Variants in NADK2 observed in about 807,000 individuals in gnomAD.
NADK2 encodes NAD kinase 2, mitochondrial.
Under a neutral mutation model 62.1 loss-of-function variants are expected in NADK2, and 35 were observed. That is an observed-to-expected ratio of 0.56 (90% CI 0.43 to 0.75). The LOEUF (loss-of-function observed/expected upper bound fraction) is 0.75. Ranked by LOEUF, NADK2 falls within the 30% of genes least tolerant of loss-of-function variation. The pLI is 0.00. For synonymous variants in NADK2, 205 were observed against 207.9 expected, an observed-to-expected ratio of 0.99 and a Z score of 0.12; for missense variants, 439 against 561.3, an observed-to-expected ratio of 0.78 and a Z score of 2.20.
intron 1 of NADK2, among the ~76,000 whole-genome samples, chr5:36,233,831 G>C (rs1014747058): frequency 2.6e-5 from 4 of 152,062 alleles, no homozygotes; most frequent in African/African-American, 9.7e-5. Context: ...CGCAAGTCTT[G>C]CTGTTCTCTC....
Position 36,225,630 on chromosome 5 carries a change from A to T in NADK2, c.479-7T>A. 6.2e-7 allele frequency: 1 copy of T among 1,609,002 alleles called. No homozygotes were observed. Among genetic ancestry groups the T allele is most frequent in the Non-Finnish European group, 8.5e-7 (1 of 1,178,442 alleles). On this transcript the variant is annotated splice_region_variant and splice_polypyrimidine_tract_variant and intron_variant, in intron 3 of 11. Transcript: ENST00000381937. ...AGCAGCATTGTGCCATCACCTAAGG[A>T]ACATAAGACAAAATACAAGACATAA...
In NADK2 at chr5:36,194,945, T is replaced by C. The variant is rs186916997; in HGVS notation, c.*199A>G. ...TTTCACTGGTATCAATTCTAATTGG[T>C]TCAGTCCATCCATTTTCTTATACAG... On this transcript the variant is annotated 3_prime_UTR_variant, in exon 12 of 12. Coordinates refer to ENST00000381937, the MANE Select transcript of NADK2 (RefSeq NM_001085411.3). 2.4e-4 allele frequency: 119 copies of C among 503,092 alleles called. 1 individual carries two copies. The highest frequency in any genetic ancestry group is 2.2e-3 in the South Asian group (54 of 25,088). 31.2% of individuals were successfully genotyped at this position (503,092 alleles called of 1,614,324 possible).
chr5:36,204,879 C>CAT (rs1245448105), intron 8 of NADK2, among the ~76,000 whole-genome samples: 2 of 151,844 alleles, frequency 1.3e-5, no homozygotes, highest in Non-Finnish European at 2.9e-5. Context: ...CTGAAACTAG[C>CAT]TAATGGTATG....
In NADK2 at chr5:36,217,819, T is replaced by C. The variant is rs749687514; in HGVS notation, c.710A>G (p.Asp237Gly). ...CAAGCTTAGCTGCTGCTCGTGAAGG[T>C]CCACAGGTACAGGGTTTATGCCAGT... Reference protein sequence around the residue: ...EGTGINPVPVDLHEQQLSLNQ... With the variant: ...EGTGINPVPVGLHEQQLSLNQ... The change falls in exon 6 of 12, where the codon GAC becomes GGC. Residue 237 changes from aspartate to glycine, a missense_variant. Coordinates refer to ENST00000381937, the MANE Select transcript of NADK2 (RefSeq NM_001085411.3). 3 of 1,613,944 alleles carry C rather than the reference T, an allele frequency of 1.9e-6. No individual in the cohort carries two copies. Among genetic ancestry groups the C allele is most frequent in the Non-Finnish European group, 2.5e-6 (3 of 1,179,892 alleles).
Position 36,195,141 on chromosome 5 carries a change from C to G in NADK2, c.*3G>C. ...TAATCAAAATTTGTCATGAGGAAAT[C>G]CTTCACTGTTCAAGAAGCACAGTTC... On this transcript the variant is annotated 3_prime_UTR_variant, in exon 12 of 12. Transcript: ENST00000381937. The G allele has an allele frequency of 6.2e-7, 1 of 1,601,568 alleles. No individual in the cohort carries two copies. The highest frequency in any genetic ancestry group is 8.5e-7 in the Non-Finnish European group (1 of 1,175,780).
chr5:36,230,625 G>A (rs1747672526), intron 1 of NADK2, among the ~76,000 whole-genome samples: 1 of 152,200 alleles, frequency 6.6e-6, no homozygotes, highest in Non-Finnish European at 1.5e-5. Context: ...CAAGAATAGT[G>A]CAGAAGCAGA....
At position 36,214,188 on chromosome 5, in the gene NADK2, C is replaced by CT. The variant is rs375269062; in HGVS notation, c.782-2267dup. On this transcript the variant is annotated intron_variant, in intron 6 of 11. Transcript: ENST00000381937. ...AAAAGATAAGACTCCATACCAATTA[C>CT]TTTTTTTTTTGAGATGGAGTTTAGC... Among the ~76,000 whole-genome samples, 319 of 149,784 alleles carry CT rather than the reference C, an allele frequency of 2.1e-3. 2 individuals carry two copies. The highest frequency in any genetic ancestry group is 7.0e-3 in the East Asian group (36 of 5,114).
intron 1 of NADK2, among the ~76,000 whole-genome samples, chr5:36,234,329 C>T (rs529258476): frequency 3.5e-4 from 50 of 141,744 alleles, no homozygotes; most frequent in Non-Finnish European, 5.3e-4. Flanking sequence ...GTCGAGATCG[C>T]GCCACTGCAC....
At position 36,241,722 on chromosome 5, in the gene NADK2, G is replaced by A. The variant is rs1246877651; in HGVS notation, c.77C>T (p.Pro26Leu). ...CCGCGCGGCGGGGCCTCCCGCACCC[G>A]GTCCCCGCAGCGCCGCCGCCCGGCC... ...AGGRAAALRG[P>L]GAGGPAARPR... is the part of the protein sequence containing the mutation. The change falls in exon 1 of 12, where the codon CCG (proline) becomes CTG (leucine). Residue 26 changes from proline (P) to leucine (L), a missense_variant. Pro to Leu is a moderately conservative substitution (Grantham distance 98, BLOSUM62 -3). Transcript: ENST00000381937. This position sits in a 1 kb window ranked among gnomAD's most constrained non-coding sequence, Gnocchi z 4.9. 6 of 1,184,718 alleles carry A rather than the reference G, an allele frequency of 5.1e-6. No homozygotes were observed. Among genetic ancestry groups the A allele is most frequent in the Non-Finnish European group, 6.3e-6 (6 of 958,792 alleles). 73.4% of individuals were successfully genotyped at this position (1,184,718 alleles called of 1,614,324 possible).
At chr5:36,240,057 A>C (rs1748050012) in intron 1 of NADK2, among the ~76,000 whole-genome samples, 3 of 152,200 alleles carry the variant, frequency 2.0e-5, no homozygotes, top group Non-Finnish European at 4.4e-5. Flanking sequence ...TTGCAAAATT[A>C]GTACAACCCA....
At chr5:36,237,085 G>A (rs1384172026) in intron 1 of NADK2, among the ~76,000 whole-genome samples, 2 of 152,108 alleles carry the variant, frequency 1.3e-5, no homozygotes, top group Non-Finnish European at 2.9e-5. Flanking sequence ...GTAAAAATCT[G>A]TATAATCTCT....
chr5:36,230,369 T>C (rs1747663485), intron 1 of NADK2, among the ~76,000 whole-genome samples: 1 of 152,256 alleles, frequency 6.6e-6, no homozygotes, highest in African/African-American at 2.4e-5. Context: ...CTGCTAGTGC[T>C]GCCCTTGCAG....
chr5:36,207,644 T>C (rs1436706439), intron 7 of NADK2, among the ~76,000 whole-genome samples: 1 of 152,146 alleles, frequency 6.6e-6, no homozygotes, highest in East Asian at 1.9e-4. Flanking sequence ...AGTTTCATTC[T>C]TGGTAGCTAG....
intron 4 of NADK2, among the ~76,000 whole-genome samples, chr5:36,224,612 T>C (rs1351273745): frequency 6.1e-5 from 9 of 146,628 alleles, no homozygotes; most frequent in Non-Finnish European, 1.4e-4. Context: ...AGAAAGTGAA[T>C]GAAGTGAGGA....
chr5:36,215,383 T>C (rs902188866), intron 6 of NADK2, among the ~76,000 whole-genome samples: 10 of 152,230 alleles, frequency 6.6e-5, no homozygotes, highest in African/African-American at 2.4e-4. Flanking sequence ...TGTATAATGA[T>C]CAAATCAGGG....
At chr5:36,200,368 T>C in intron 9 of NADK2, 88 bp from the exon 10 acceptor site, 2 of 680,558 alleles carry the variant, frequency 2.9e-6, no homozygotes, top group Non-Finnish European at 4.3e-6. Flanking sequence ...GAAAAATGCT[T>C]AAAGTGTATA....
chr5:36,198,491 T>C (rs531372321), intron 10 of NADK2, among the ~76,000 whole-genome samples: 1 of 151,552 alleles, frequency 6.6e-6, no homozygotes, highest in South Asian at 2.1e-4. Context: ...GCATTCACTG[T>C]TGCTTCTGAA....
intron 4 of NADK2, among the ~76,000 whole-genome samples, chr5:36,223,801 G>C (rs1207635741): frequency 6.6e-6 from 1 of 152,068 alleles, no homozygotes; most frequent in Non-Finnish European, 1.5e-5. Flanking sequence ...GGGGATAAGT[G>C]GAAGGAAAAG....
intron 2 of NADK2, 67 bp from the exon 3 acceptor site, chr5:36,226,630 C>G: frequency 9.2e-7 from 1 of 1,092,860 alleles, no homozygotes; most frequent in South Asian, 1.4e-5. Context: ...GGTATGTTTT[C>G]TGAGAGGCAG....
Sources: allele counts gnomAD v4.1 joint callset (sites outside exome capture counted in the v4.1 genomes callset), GRCh38; gene constraint gnomAD v4.1.1; non-coding constraint Gnocchi (gnomAD v3.1); transcripts MANE v1.5; gene names NCBI Gene and HGNC (gene_info 2026-07-23, HGNC 2026-07-21).